IMPDH2: variants seen among roughly 807,000 people sequenced by gnomAD.
IMPDH2 encodes the protein inosine-5'-monophosphate dehydrogenase 2.
IMPDH2 carries 33 observed loss-of-function variants against 57.8 expected under a neutral mutation model. The observed-to-expected ratio is 0.57, with a 90% CI of 0.43 to 0.76. IMPDH2 has a LOEUF of 0.76. Among genes scored for constraint, IMPDH2 ranks in the 30% least tolerant of loss-of-function variants. The pLI, the probability that IMPDH2 is intolerant of heterozygous loss-of-function variation, is 0.00. For synonymous variants in IMPDH2, 270 were observed against 241.3 expected, an observed-to-expected ratio of 1.12 and a Z score of -1.10; for missense variants, 446 against 659.1, an observed-to-expected ratio of 0.68 and a Z score of 3.54.
At position 49,027,748 on chromosome 3, in the gene IMPDH2, A is replaced by T; in HGVS notation, c.493T>A (p.Phe165Ile). 1 of 1,614,172 alleles carries T rather than the reference A, an allele frequency of 6.2e-7. No homozygotes were observed. Among genetic ancestry groups the T allele is most frequent in the Non-Finnish European group, 8.5e-7 (1 of 1,180,020 alleles). ...CAGTCATGTTCCTCCTCTTTGAGAA[A>T]ATCAATGTCCCTGGAGGAGATGATG... ...VGIISSRDIDFLKEEEHDCFL... is the reference protein window; with the variant it reads ...VGIISSRDIDILKEEEHDCFL... The change falls in exon 5 of 14, where the codon TTT becomes ATT. Residue 165 changes from phenylalanine (F) to isoleucine (I), a missense_variant. By Grantham distance (21) the Phe-to-Ile change is conservative. Coordinates refer to ENST00000326739, the MANE Select transcript of IMPDH2 (RefSeq NM_000884.3).
intron 2 of IMPDH2, 35 bp downstream of exon 2, chr3:49,028,723 T>C (rs755414397): frequency 1.9e-6 from 3 of 1,583,342 alleles, no homozygotes; most frequent in Non-Finnish European, 1.7e-6. Flanking sequence ...TTAGCTCACC[T>C]TGATGTTCAG....
intron 1 of IMPDH2, 140 bp downstream of exon 1, chr3:49,029,113 T>A: frequency 1.4e-6 from 1 of 722,096 alleles, no homozygotes; most frequent in South Asian, 1.5e-5. Context: ...TGTCTCAAAG[T>A]GAGCCCCGGA....
intron 4 of IMPDH2, 23 bp downstream of exon 4, chr3:49,028,225 C>CTAA: frequency 6.2e-7 from 1 of 1,602,670 alleles, no homozygotes; most frequent in Non-Finnish European, 8.5e-7. Flanking sequence ...GGAGCGCTTG[C>CTAA]TAATGATCGT....
chr3:49,029,331 C>T lies in IMPDH2; in HGVS notation c.20G>A (p.Ser7Asn). 6.2e-7 allele frequency: 1 copy of T among 1,602,232 alleles called. No homozygotes were observed. Among genetic ancestry groups the T allele is most frequent in the Non-Finnish European group, 8.5e-7 (1 of 1,174,684 alleles). ...GTCTGGCACGTAGGACGTGCCCCCA[C>T]TAATCAGGTAGTCGGCCATGGCCAA... is the stretch of plus-strand genomic sequence containing the variant. MADYLI[S>N]GGTSYVPDDG... The change falls in exon 1 of 14, where the codon AGT becomes AAT. Residue 7 changes from serine to asparagine, a missense_variant. Transcript: ENST00000326739.
At chr3:49,028,347 CTAAG>C in intron 3 of IMPDH2, 25 bp from the exon 4 acceptor site, 2 of 1,611,994 alleles carry the variant, frequency 1.2e-6, no homozygotes, top group Non-Finnish European at 1.7e-6. Context: ...GAGACTACTA[CTAAG>C]TGACAAGAAG....
At chr3:49,026,935 GC>G in intron 6 of IMPDH2, 24 bp downstream of exon 6, 1 of 1,613,180 alleles carries the variant, frequency 6.2e-7, no homozygotes. Flanking sequence ...TTAGTTCCAG[GC>G]CCTTTCCCAG....
intron 1 of IMPDH2, 26 bp downstream of exon 1, chr3:49,029,227 C>A: frequency 6.4e-7 from 1 of 1,553,424 alleles, no homozygotes; most frequent in East Asian, 2.3e-5. Flanking sequence ...CCTCTCTTCG[C>A]CCAGGTGAGC....
At chr3:49,026,180 C>A in intron 9 of IMPDH2, 144 bp downstream of exon 9, 1 of 699,580 alleles carries the variant, frequency 1.4e-6, no homozygotes, top group Non-Finnish European at 2.6e-6. Flanking sequence ...TTGCTTCCAG[C>A]CATGTCACCC....
chr3:49,025,212 C>T lies in IMPDH2; in HGVS notation c.1064G>A (p.Arg355Gln). The T allele has an allele frequency of 6.2e-7, 1 of 1,614,216 alleles. No homozygotes were observed. Among genetic ancestry groups the T allele is most frequent in the Non-Finnish European group, 8.5e-7 (1 of 1,180,030 alleles). Reference sequence around the variant, plus strand: ...AGCAATGACCGGAACACCAAAGCGCCGTGCATACTCTGACACCTTGTACAC... The same window carrying T: ...AGCAATGACCGGAACACCAAAGCGCTGTGCATACTCTGACACCTTGTACAC... The part of the protein sequence containing the change: ...TAVYKVSEYA[R>Q]RFGVPVIADG... The change falls in exon 10 of 14, where the codon CGG becomes CAG. Residue 355 changes from arginine (R) to glutamine (Q), a missense_variant. Arg to Gln is a conservative substitution (Grantham distance 43). Coordinates refer to ENST00000326739, the MANE Select transcript of IMPDH2 (RefSeq NM_000884.3).
chr3:49,029,380 C>A lies in IMPDH2; in HGVS notation c.-30G>T. ...AACACAGGACACCGCCGCGTGTCTC[C>A]GAGGACCGCGCCGCAGAGACCTCTG... On this transcript the variant is annotated 5_prime_UTR_variant, in exon 1 of 14. Coordinates refer to ENST00000326739, the MANE Select transcript of IMPDH2 (RefSeq NM_000884.3). The A allele has an allele frequency of 6.9e-7, 1 of 1,457,440 alleles. No individual in the cohort carries two copies. The allele number at this position is 1,457,440 out of a possible 1,614,324, so 90.3% of individuals were successfully genotyped here.
Position 49,024,378 on chromosome 3 carries a change from C to T in IMPDH2, c.*5G>A, listed in dbSNP as rs1196092467. 1 of 1,613,926 alleles carries T rather than the reference C, an allele frequency of 6.2e-7. No homozygotes were observed. The highest frequency in any genetic ancestry group is 1.7e-5 in the Admixed American group (1 of 59,990). On this transcript the variant is annotated 3_prime_UTR_variant, in exon 14 of 14. Coordinates refer to ENST00000326739, the MANE Select transcript of IMPDH2 (RefSeq NM_000884.3). ...AAAAACCGAGGAGGTGTGCTGGATCCCTTTTCAGAAAAGCCGCTTCTCATA... is the reference window on the plus strand; with the variant it reads ...AAAAACCGAGGAGGTGTGCTGGATCTCTTTTCAGAAAAGCCGCTTCTCATA...
Position 49,028,233 on chromosome 3 carries a change from C to T in IMPDH2, c.324+15G>A, listed in dbSNP as rs762861078. 3 of 1,607,938 alleles carry T rather than the reference C, an allele frequency of 1.9e-6. No individual in the cohort carries two copies. Among genetic ancestry groups the T allele is most frequent in the South Asian group, 2.2e-5 (2 of 91,006 alleles). On this transcript the variant is annotated intron_variant, in intron 4 of 13. Transcript: ENST00000326739. ...ATTCCCAGGAGCGCTTGCTAATGAT[C>T]GTTGCCCTTCTGACCTTCACTTTCC...
intron 5 of IMPDH2, 76 bp from the exon 6 acceptor site, chr3:49,027,123 TAGCTG>T (rs1394111195): frequency 8.5e-7 from 1 of 1,177,770 alleles, no homozygotes; most frequent in East Asian, 2.3e-5. Context: ...CCTTCCCAAG[TAGCTG>T]AGCTCAGAGG....
intron 4 of IMPDH2, 60 bp from the exon 5 acceptor site, chr3:49,027,976 A>T: frequency 1.6e-6 from 2 of 1,281,080 alleles, no homozygotes; most frequent in Non-Finnish European, 2.2e-6. Flanking sequence ...CAGGCTCTTG[A>T]TCTGAAGCAT....
rs1230857404 is a variant in IMPDH2, at chr3:49,026,571, C to T, written c.858G>A (p.Met286Ile). ...GGTATTTGTCTTTGATGTACTTGATCATATTGATCTGGAAGATGGAATTTC... is the reference window on the plus strand; with the variant it reads ...GGTATTTGTCTTTGATGTACTTGATTATATTGATCTGGAAGATGGAATTTC... ...SQGNSIFQINMIKYIKDKYPN... is the reference protein window; with the variant it reads ...SQGNSIFQINIIKYIKDKYPN... Residue 286 changes from methionine (M) to isoleucine (I), a missense_variant, in exon 8 of 14, where the codon ATG becomes ATA. By Grantham distance (10) the Met-to-Ile change is conservative. Transcript: ENST00000326739. 1 of 1,613,930 alleles carries T rather than the reference C, an allele frequency of 6.2e-7. No individual in the cohort carries two copies.
intron 9 of IMPDH2, chr3:49,025,529 G>A (rs987558818): frequency 6.0e-6 from 3 of 495,876 alleles, no homozygotes; most frequent in Non-Finnish European, 1.1e-5. Context: ...TGCAGTCTTA[G>A]CAGCCGGGAA....
At chr3:49,027,654 C>G in intron 5 of IMPDH2, 56 bp downstream of exon 5, 1 of 1,436,986 alleles carries the variant, frequency 7.0e-7, no homozygotes, top group South Asian at 1.1e-5. Flanking sequence ...AACAGAAGCC[C>G]CTTGTCTTCA....
rs1239708715 is a variant in IMPDH2, at chr3:49,028,951, T to C, written c.99-145A>G. 4 of 733,144 alleles carry C rather than the reference T, an allele frequency of 5.5e-6. No individual in the cohort carries two copies. In the East Asian group the frequency reaches 1.1e-4, roughly 20 times the overall value. 45.4% of individuals were successfully genotyped at this position (733,144 alleles called of 1,614,324 possible). On this transcript the variant is annotated intron_variant, in intron 1 of 13. Transcript: ENST00000326739. ...TGTGTGTCACAGGCACAGCACAAGGTGGAAATGGGTACAGGGGACCTTTTC... is the reference window on the plus strand; with the variant it reads ...TGTGTGTCACAGGCACAGCACAAGGCGGAAATGGGTACAGGGGACCTTTTC...
chr3:49,028,233 C>A lies in IMPDH2; in HGVS notation c.324+15G>T, dbSNP rs762861078. 1 of 1,607,938 alleles carries A rather than the reference C, an allele frequency of 6.2e-7. No homozygotes were observed. The highest frequency in any genetic ancestry group is 1.3e-5 in the African/African-American group (1 of 74,814). The stretch of plus-strand genomic sequence containing the variant: ...ATTCCCAGGAGCGCTTGCTAATGAT[C>A]GTTGCCCTTCTGACCTTCACTTTCC... On this transcript the variant is annotated intron_variant, in intron 4 of 13. Transcript: ENST00000326739.
Sources: allele counts gnomAD v4.1 joint callset, GRCh38; gene constraint gnomAD v4.1.1; transcripts MANE v1.5; gene names NCBI Gene and HGNC (gene_info 2026-07-23, HGNC 2026-07-21).